The following PRPF3 variants were observed in gnomAD, a reference collection of about 807,000 sequenced individuals.
The protein encoded by PRPF3 is pre-mRNA processing factor 3.
A neutral mutation model predicts 89.2 loss-of-function variants in PRPF3; 3 were observed. That is an observed-to-expected ratio of 0.03 (90% CI 0.02 to 0.09). PRPF3 has a LOEUF of 0.09. PRPF3 is among the 10% of genes least tolerant of loss of function. The probability of loss-of-function intolerance (pLI) is 1.00; values close to 1 mark genes in which losing one functional copy is unlikely to be tolerated. For synonymous variants in PRPF3, 270 were observed against 289.1 expected (o/e 0.93, Z 0.67); for missense variants, 463 against 828.8 (o/e 0.56, Z 5.42).
At chr1:150,329,515 T>C (rs1279890953) in intron 4 of PRPF3, among the ~76,000 whole-genome samples, 1 of 152,194 alleles carries the variant, frequency 6.6e-6, no homozygotes, top group Non-Finnish European at 1.5e-5. Flanking sequence ...TCAGAACTCA[T>C]CTTAATGACA....
chr1:150,350,451 G>A (rs1353320188), intron 15 of PRPF3, among the ~76,000 whole-genome samples: 2 of 152,022 alleles, frequency 1.3e-5, no homozygotes, highest in African/African-American at 4.8e-5. Context: ...GACTGCCTTG[G>A]CCTCCCAAAG....
chr1:150,342,264 C>T (rs1054086945), intron 9 of PRPF3, among the ~76,000 whole-genome samples: 2 of 151,604 alleles, frequency 1.3e-5, no homozygotes, highest in Non-Finnish European at 2.9e-5. Flanking sequence ...CCTGTAGTCC[C>T]AGCTACTCAG....
rs376006808 is a variant in PRPF3 at position 150,344,275 on chromosome 1, G to T, written c.1526+14G>T. The stretch of plus-strand genomic sequence containing the variant: ...AAAAAGACAGAAGTAAGTGCCATGG[G>T]ATTGGGTGGAAACCTCGGGCAAGTA... On this transcript the variant is annotated intron_variant, in intron 11 of 15. Coordinates refer to ENST00000324862, the MANE Select transcript of PRPF3 (RefSeq NM_004698.4). 20 of 1,613,964 alleles carry T rather than the reference G, an allele frequency of 1.2e-5. No homozygotes were observed. The Middle Eastern group carries it at 4.9e-4, about 40-fold the overall frequency.
chr1:150,337,629 T>A (rs1288538924), intron 7 of PRPF3, among the ~76,000 whole-genome samples: 1 of 151,650 alleles, frequency 6.6e-6, no homozygotes, highest in Non-Finnish European at 1.5e-5. Flanking sequence ...TACAAAAAAA[T>A]GAGCCGGGCG....
rs1553874734 is a variant in PRPF3 at position 150,352,922 on chromosome 1, G to A, written c.1995G>A (p.Gly665=). The A allele has an allele frequency of 3.7e-6, 6 of 1,613,970 alleles. No homozygotes were observed. The highest frequency in any genetic ancestry group is 5.1e-6 in the Non-Finnish European group (6 of 1,180,010). Residue 665 remains glycine (G), a synonymous_variant, in exon 16 of 16, where the codon GGG becomes GGA. Coordinates refer to ENST00000324862, the MANE Select transcript of PRPF3 (RefSeq NM_004698.4). ...NMAREHFKKH[G]AEHYWDLALS... is the part of the protein sequence containing the mutation. ...CTCGTGAGCATTTCAAAAAGCATGG[G>A]GCTGAACACTACTGGGACCTTGCGC...
chr1:150,330,480 T>G (rs868947116), intron 4 of PRPF3: 4 of 152,244 alleles, frequency 2.6e-5, no homozygotes, highest in Admixed American at 6.6e-5. Flanking sequence ...CTCAGCCTCC[T>G]GAGTAGCTGG....
chr1:150,323,172 G>GC (rs1655275308), intron 1 of PRPF3, among the ~76,000 whole-genome samples: 2 of 26,968 alleles, frequency 7.4e-5, no homozygotes, highest in African/African-American at 1.2e-4. Context: ...ACCGCACCTG[G>GC]CTTTTTTTTT....
chr1:150,348,314 T>G (rs1158470874), intron 14 of PRPF3, among the ~76,000 whole-genome samples: 1 of 151,650 alleles, frequency 6.6e-6, no homozygotes, highest in Non-Finnish European at 1.5e-5. Flanking sequence ...CAGGAAGCGG[T>G]TGCAGTGAGC....
At chr1:150,351,347 G>T (rs587665213) in intron 15 of PRPF3, among the ~76,000 whole-genome samples, 1 of 151,920 alleles carries the variant, frequency 6.6e-6, no homozygotes, top group Non-Finnish European at 1.5e-5. Context: ...TCTTCTGAAG[G>T]AGCAATCAAA....
Position 150,346,102 on chromosome 1 carries a change from G to A in PRPF3, c.1725G>A (p.Leu575=). 3.1e-6 allele frequency: 5 copies of A among 1,614,202 alleles called. No homozygotes were observed. Among genetic ancestry groups the A allele is most frequent in the Non-Finnish European group, 4.2e-6 (5 of 1,180,028 alleles). The part of the protein sequence containing the change: ...GQLYLTGVVV[L]HKDVNVVVVE... Reference sequence around the variant, plus strand: ...TGTACCTGACAGGGGTGGTGGTACTGCACAAGGATGTCAACGTGGTAGTAG... The same window carrying A: ...TGTACCTGACAGGGGTGGTGGTACTACACAAGGATGTCAACGTGGTAGTAG... Residue 575 remains leucine, a synonymous_variant, in exon 13 of 16, where the codon CTG becomes CTA. Coordinates refer to ENST00000324862, the MANE Select transcript of PRPF3 (RefSeq NM_004698.4).
intron 6 of PRPF3, among the ~76,000 whole-genome samples, chr1:150,334,484 G>A (rs782445146): frequency 9.2e-5 from 14 of 151,786 alleles, no homozygotes; most frequent in Non-Finnish European, 1.8e-4. Flanking sequence ...ACAAGTGCCC[G>A]TCTAAATTTT....
rs1221847303 is a variant in PRPF3 at position 150,333,228 on chromosome 1, T to C, written c.728+29T>C. ...AGTGTCTATTTCATGGAATACCTTT[T>C]CATTTCTGAAGTTTGAGAAGCAATA... On this transcript the variant is annotated intron_variant, in intron 6 of 15. Coordinates refer to ENST00000324862, the MANE Select transcript of PRPF3 (RefSeq NM_004698.4). The C allele has an allele frequency of 1.9e-6, 3 of 1,607,144 alleles. No individual in the cohort carries two copies. The African/African-American group carries it at 4.0e-5, about 22-fold the overall frequency.
At chr1:150,330,687 C>T (rs1459597056) in intron 4 of PRPF3, among the ~76,000 whole-genome samples, 1 of 148,754 alleles carries the variant, frequency 6.7e-6, no homozygotes, top group Admixed American at 6.8e-5. Context: ...TGGGGATGGA[C>T]GTATTCACAA....
At chr1:150,337,240 C>T (rs990896643) in intron 7 of PRPF3, among the ~76,000 whole-genome samples, 5 of 151,426 alleles carry the variant, frequency 3.3e-5, no homozygotes, top group African/African-American at 9.7e-5. Context: ...GGGGTTTCAC[C>T]GTGTTAGCCA....
intron 11 of PRPF3, 74 bp from the exon 12 acceptor site, chr1:150,344,358 GCT>G (rs1419305130): frequency 6.2e-7 from 1 of 1,613,862 alleles, no homozygotes; most frequent in African/African-American, 1.3e-5. Flanking sequence ...GTTCTCCGTT[GCT>G]CTCTCTTTCC....
At chr1:150,323,689 T>C (rs1391938809) in intron 1 of PRPF3, among the ~76,000 whole-genome samples, 1 of 151,782 alleles carries the variant, frequency 6.6e-6, no homozygotes, top group Non-Finnish European at 1.5e-5. Flanking sequence ...AGTCAGCTGA[T>C]GGAGACCCTG....
At chr1:150,338,074 C>CAAAAA in intron 7 of PRPF3, 86 bp from the exon 8 acceptor site, 11 of 1,212,048 alleles carry the variant, frequency 9.1e-6, no homozygotes, top group South Asian at 1.4e-5. Context: ...AACTCCGTCT[C>CAAAAA]AAAAAAAAAA....
chr1:150,343,542 G>A, intron 10 of PRPF3, 90 bp downstream of exon 10: 4 of 1,509,522 alleles, frequency 2.6e-6, no homozygotes, highest in Non-Finnish European at 3.6e-6. Context: ...GTGTTTGAGT[G>A]ATTTCTGTTT....
At chr1:150,352,803 A>G (rs1553874693) in intron 15 of PRPF3, 30 bp from the exon 16 acceptor site, 4 of 1,607,722 alleles carry the variant, frequency 2.5e-6, no homozygotes, top group Non-Finnish European at 3.4e-6. Flanking sequence ...TAAGAAATTG[A>G]AGTGTTTTTA....
Sources: gnomAD v4.1 joint callset for allele counts (sites outside exome capture counted in the v4.1 genomes callset) on GRCh38, gnomAD v4.1.1 for gene constraint, MANE v1.5 for transcripts, NCBI Gene and HGNC (gene_info 2026-07-23, HGNC 2026-07-21) for gene names.